CDH12: variants seen among roughly 807,000 people sequenced by gnomAD.
The protein encoded by CDH12 is cadherin-12.
Under a neutral mutation model 74.1 loss-of-function variants are expected in CDH12, and 41 were observed. The observed-to-expected ratio is 0.55, with a 90% CI of 0.43 to 0.72. CDH12 has a LOEUF of 0.72. Among genes scored for constraint, CDH12 ranks in the 30% least tolerant of loss-of-function variants. CDH12 has a pLI of 0.00. For missense variants in CDH12, 945 were observed against 977.2 expected, an observed-to-expected ratio of 0.97 and a Z score of 0.44; for synonymous variants, 399 against 355.0, an observed-to-expected ratio of 1.12 and a Z score of -1.39.
At chr5:22,238,789 A>G (rs1752646677) in intron 3 of CDH12, among the ~76,000 whole-genome samples, 1 of 152,208 alleles carries the variant, frequency 6.6e-6, no homozygotes, top group Non-Finnish European at 1.5e-5. Context: ...TTACATTTTC[A>G]TTTAATCACA....
intron 3 of CDH12, among the ~76,000 whole-genome samples, chr5:22,322,012 A>G (rs1738906497): frequency 6.6e-6 from 1 of 152,198 alleles, no homozygotes; most frequent in South Asian, 2.1e-4. Flanking sequence ...TTCGTTATCT[A>G]TTTCATAAAT....
At chr5:22,045,665 TTATG>T in intron 5 of CDH12, among the ~76,000 whole-genome samples, 1 of 149,904 alleles carries the variant, frequency 6.7e-6, no homozygotes, top group Middle Eastern at 3.6e-3. Context: ...TTGGAGGGCA[TTATG>T]TTAGGTGAAA....
At chr5:22,250,719 G>T (rs748971718) in intron 3 of CDH12, among the ~76,000 whole-genome samples, 1 of 152,134 alleles carries the variant, frequency 6.6e-6, no homozygotes, top group Admixed American at 6.5e-5. Flanking sequence ...TGTATCACGT[G>T]GTTTCCCGAC....
At chr5:21,865,703 C>T (rs1751289687) in intron 6 of CDH12, among the ~76,000 whole-genome samples, 2 of 152,118 alleles carry the variant, frequency 1.3e-5, no homozygotes, top group Non-Finnish European at 2.9e-5. Flanking sequence ...TGGAGGCATG[C>T]AGAGTGAGTG....
At chr5:22,175,864 C>T (rs1016989800) in intron 4 of CDH12, among the ~76,000 whole-genome samples, 53 of 152,158 alleles carry the variant, frequency 3.5e-4, no homozygotes, top group African/African-American at 1.2e-3. Context: ...AGGCTGAGCT[C>T]AGGAGCTTTC....
rs1219148435 is a variant in CDH12, at chr5:22,165,106, C to T, written c.-187+47392G>A. 2.0e-5 allele frequency among the ~76,000 whole-genome samples: 3 copies of T among 151,890 alleles called. No homozygotes were observed. The East Asian group carries it at 5.8e-4, about 29-fold the overall frequency. On this transcript the variant is annotated intron_variant, in intron 4 of 14. Coordinates refer to ENST00000382254, the MANE Select transcript of CDH12 (RefSeq NM_004061.5). ...TGGCCCCGACATTCTATTCTGAACA[C>T]AGCAGCCAAAGGGGCTGGTTAAAAT...
intron 3 of CDH12, among the ~76,000 whole-genome samples, chr5:22,218,256 A>AG (rs1009669287): frequency 1.6e-4 from 25 of 151,842 alleles, no homozygotes; most frequent in Non-Finnish European, 2.1e-4. Context: ...TTCACTCCAA[A>AG]GAAAAAAAAG....
At chr5:22,337,087 G>C (rs574570751) in intron 3 of CDH12, among the ~76,000 whole-genome samples, 1 of 152,320 alleles carries the variant, frequency 6.6e-6, no homozygotes, top group South Asian at 2.1e-4. Context: ...CTTTAAGATT[G>C]ACTGCCCTGC....
intron 3 of CDH12, among the ~76,000 whole-genome samples, chr5:22,249,387 A>C (rs1753062569): frequency 6.6e-6 from 1 of 152,198 alleles, no homozygotes; most frequent in Admixed American, 6.5e-5. Flanking sequence ...GGAGGCGATA[A>C]GGTAGTAGAA....
chr5:22,419,020 A>T (rs1374078893), intron 2 of CDH12, among the ~76,000 whole-genome samples: 5 of 152,104 alleles, frequency 3.3e-5, no homozygotes, highest in African/African-American at 9.7e-5. Context: ...ATCTATTGAG[A>T]TAATCATGTG....
At chr5:22,472,119 T>G (rs6452083) in intron 2 of CDH12, among the ~76,000 whole-genome samples, 144,649 of 152,184 alleles carry the variant, frequency 0.95, 68,856 homozygotes, top group African/African-American at 0.98. Context: ...CTAGAAACAT[T>G]ATCACATATC....
Position 22,732,469 on chromosome 5 carries a change from TATACACACAC to T in CDH12, c.-523+120579_-523+120588del, listed in dbSNP as rs1434247898. On this transcript the variant is annotated intron_variant, in intron 1 of 14. Transcript: ENST00000382254. ...GTGAATGTGTGTGTATATATATATA[TATACACACAC>T]ACACACACACACACACACACACATA... Among the ~76,000 whole-genome samples, 85 of 58,312 alleles carry T rather than the reference TATACACACAC, an allele frequency of 1.5e-3. 1 individual carries two copies. Among genetic ancestry groups the T allele is most frequent in the Admixed American group, 1.9e-3 (10 of 5,284 alleles). The allele number at this position is 58,312 out of a possible 152,430, so 38.3% of individuals were successfully genotyped here. A position where few individuals can be genotyped will look rare whatever the true frequency, so the allele number is the denominator to read the frequency against.
chr5:22,603,874 G>C (rs561399848), intron 1 of CDH12, among the ~76,000 whole-genome samples: 1 of 152,182 alleles, frequency 6.6e-6, no homozygotes, highest in Admixed American at 6.5e-5. Flanking sequence ...TTGAATTGTT[G>C]GTCCAAAGAG....
chr5:21,847,103 A>C (rs1043434811), intron 7 of CDH12, among the ~76,000 whole-genome samples: 7 of 152,120 alleles, frequency 4.6e-5, no homozygotes, highest in Admixed American at 3.9e-4. Flanking sequence ...AAGTCATCAC[A>C]GAGTGTCCAC....
At chr5:22,659,914 A>G (rs1740258793) in intron 1 of CDH12, among the ~76,000 whole-genome samples, 1 of 152,168 alleles carries the variant, frequency 6.6e-6, no homozygotes, top group Non-Finnish European at 1.5e-5. Flanking sequence ...TTTAACATAT[A>G]TAGAATATGA....
At chr5:22,054,265 T>G (rs1417341179) in intron 5 of CDH12, among the ~76,000 whole-genome samples, 1 of 152,190 alleles carries the variant, frequency 6.6e-6, no homozygotes, top group Non-Finnish European at 1.5e-5. Context: ...CCTACTCATA[T>G]TCTATAAAAG....
rs1318233130 is a variant in CDH12 at position 22,135,472 on chromosome 5, C to T, written c.-186-56610G>A. 2.6e-5 allele frequency among the ~76,000 whole-genome samples: 4 copies of T among 151,870 alleles called. No individual in the cohort carries two copies. The East Asian group carries it at 7.7e-4, about 29-fold the overall frequency. On this transcript the variant is annotated intron_variant, in intron 4 of 14. Coordinates refer to ENST00000382254, the MANE Select transcript of CDH12 (RefSeq NM_004061.5). ...ATTTCATAAGAGATTTTTCAAAATG[C>T]ACATTAATTCTGATATTTTTATTCA... is the stretch of plus-strand genomic sequence containing the variant.
intron 1 of CDH12, among the ~76,000 whole-genome samples, chr5:22,660,868 T>C (rs1206871523): frequency 6.6e-6 from 1 of 152,218 alleles, no homozygotes; most frequent in African/African-American, 2.4e-5. Context: ...AAATTAAATA[T>C]AATATTGATG....
rs977547149 is a variant in CDH12, at chr5:22,105,807, C to A, written c.-186-26945G>T. On this transcript the variant is annotated intron_variant, in intron 4 of 14. Coordinates refer to ENST00000382254, the MANE Select transcript of CDH12 (RefSeq NM_004061.5). ...TAATAACCTCAGTTTGACTTGATTG[C>A]CTCTACAAAGACCCTATTTTTAAAA... Among the ~76,000 whole-genome samples, 5 of 152,154 alleles carry A rather than the reference C, an allele frequency of 3.3e-5. No homozygotes were observed. In the East Asian group the frequency reaches 9.7e-4, roughly 29 times the overall value.
Sources: allele counts gnomAD v4.1 joint callset (sites outside exome capture counted in the v4.1 genomes callset), GRCh38; gene constraint gnomAD v4.1.1; transcripts MANE v1.5; gene names NCBI Gene and HGNC (gene_info 2026-07-23, HGNC 2026-07-21).